The following MDGA2 variants were observed in gnomAD, a reference collection of about 807,000 sequenced individuals.
The protein encoded by MDGA2 is MAM domain-containing glycosylphosphatidylinositol anchor protein 2.
In MDGA2, 40 loss-of-function variants were observed where a neutral mutation model predicts 117.8. The ratio of observed to expected loss-of-function variants is 0.34; its 90% CI spans 0.26 to 0.44. The LOEUF is 0.44. MDGA2 is among the 20% of genes least tolerant of loss of function. The pLI is 1.00. For missense variants in MDGA2, 1,123 were observed against 1,250.6 expected (o/e 0.90, Z 1.54); for synonymous variants, 452 against 439.0 (o/e 1.03, Z -0.37).
At chr14:47,186,364 A>C (rs965606988) in intron 3 of MDGA2, among the ~76,000 whole-genome samples, 1 of 151,800 alleles carries the variant, frequency 6.6e-6, no homozygotes, top group African/African-American at 2.4e-5. Context: ...CCAAAATAAG[A>C]CAAACTTGAA....
chr14:47,655,365 TATA>T (rs1333537180), intron 1 of MDGA2, among the ~76,000 whole-genome samples: 1 of 152,136 alleles, frequency 6.6e-6, no homozygotes, highest in Non-Finnish European at 1.5e-5. Context: ...GACCCAGGAT[TATA>T]ATAACTTTTC....
intron 1 of MDGA2, among the ~76,000 whole-genome samples, chr14:47,583,055 C>T (rs879848223): frequency 1.4e-4 from 22 of 151,914 alleles, no homozygotes; most frequent in Admixed American, 1.4e-3. Context: ...TGATTCATAA[C>T]TCATTAATTC....
intron 1 of MDGA2, among the ~76,000 whole-genome samples, chr14:47,469,763 C>T (rs1295847139): frequency 6.6e-6 from 1 of 152,088 alleles, no homozygotes; most frequent in East Asian, 1.9e-4. Flanking sequence ...AGTTTACAGT[C>T]CCACCAACAG....
chr14:47,063,466 A>C (rs1234558635), intron 6 of MDGA2, among the ~76,000 whole-genome samples: 5 of 151,946 alleles, frequency 3.3e-5, no homozygotes, highest in Non-Finnish European at 7.4e-5. Flanking sequence ...TTGGGAAGGG[A>C]AATGTGATGA....
intron 1 of MDGA2, among the ~76,000 whole-genome samples, chr14:47,431,147 G>T (rs1460675937): frequency 6.6e-6 from 1 of 151,884 alleles, no homozygotes; most frequent in African/African-American, 2.4e-5. Context: ...GAATATATGA[G>T]AATATATAAG....
chr14:46,846,508 A>T (rs1880846431), intron 15 of MDGA2, among the ~76,000 whole-genome samples: 1 of 152,116 alleles, frequency 6.6e-6, no homozygotes, highest in South Asian at 2.1e-4. Context: ...ATACCTTTGA[A>T]TTTATGGTGT....
At chr14:47,207,535 A>G (rs938443162) in intron 3 of MDGA2, among the ~76,000 whole-genome samples, 6 of 151,962 alleles carry the variant, frequency 3.9e-5, no homozygotes, top group Admixed American at 2.0e-4. Context: ...GGGATTAAAA[A>G]ATGGAATTTG....
chr14:46,879,561 A>T (rs1388570), intron 11 of MDGA2, among the ~76,000 whole-genome samples: 95,433 of 151,972 alleles, frequency 0.63, 30,784 homozygotes, highest in Admixed American at 0.74. Flanking sequence ...TATTTCCTGC[A>T]TGTGTTTTTC....
intron 1 of MDGA2, among the ~76,000 whole-genome samples, chr14:47,570,989 T>G (rs964179703): frequency 2.6e-5 from 4 of 151,688 alleles, no homozygotes; most frequent in Non-Finnish European, 5.9e-5. Context: ...TGGGAGAAAA[T>G]TTTTGCAATC....
At chr14:46,907,369 T>G (rs190980358) in intron 10 of MDGA2, among the ~76,000 whole-genome samples, 2 of 152,152 alleles carry the variant, frequency 1.3e-5, no homozygotes, top group Admixed American at 1.3e-4. Flanking sequence ...TTCTAACAAT[T>G]TGAGAATACC....
intron 9 of MDGA2, among the ~76,000 whole-genome samples, chr14:46,937,346 G>A (rs1343424852): frequency 2.6e-5 from 4 of 150,986 alleles, no homozygotes; most frequent in Admixed American, 2.0e-4. Context: ...CCATGTTAAT[G>A]GTCTGGAAGA....
chr14:47,507,957 C>T (rs1174532523), intron 1 of MDGA2, among the ~76,000 whole-genome samples: 2 of 152,194 alleles, frequency 1.3e-5, no homozygotes, highest in African/African-American at 4.8e-5. Flanking sequence ...ACATGAATCC[C>T]ACTATGCCTC....
Position 47,549,299 on chromosome 14 carries a change from C to G in MDGA2, c.280+125218G>C, listed in dbSNP as rs142575493. 4.0e-4 allele frequency among the ~76,000 whole-genome samples: 60 copies of G among 150,516 alleles called. 3 individuals are homozygous for G. The East Asian group carries it at 0.012, about 30-fold the overall frequency. ...ATTGTTGCAGCTTTTTGAGTTACTT[C>G]TAGAATTCTAAAAAAGTTCATGTTG... On this transcript the variant is annotated intron_variant, in intron 1 of 16. Coordinates refer to ENST00000399232, the MANE Select transcript of MDGA2 (RefSeq NM_001113498.3).
intron 3 of MDGA2, among the ~76,000 whole-genome samples, chr14:47,154,328 C>A (rs139068012): frequency 7.9e-5 from 12 of 152,186 alleles, no homozygotes. Context: ...GCAAAGACGA[C>A]GACCGCAGTG....
At position 47,103,735 on chromosome 14, in the gene MDGA2, G is replaced by T. The variant is rs532517625; in HGVS notation, c.926-6612C>A. 2.0e-5 allele frequency among the ~76,000 whole-genome samples: 3 copies of T among 152,312 alleles called. No individual in the cohort carries two copies. The East Asian group carries it at 5.8e-4, about 29-fold the overall frequency. Reference sequence around the variant, plus strand: ...AAGAGATGCGATTCATATGACCATGGATCCTAAATGAGAGATTCCCTAGAT... The same window carrying T: ...AAGAGATGCGATTCATATGACCATGTATCCTAAATGAGAGATTCCCTAGAT... On this transcript the variant is annotated intron_variant, in intron 5 of 16. Transcript: ENST00000399232.
intron 4 of MDGA2, among the ~76,000 whole-genome samples, chr14:47,132,822 C>T (rs1048652878): frequency 4.6e-5 from 7 of 151,736 alleles, no homozygotes; most frequent in East Asian, 1.9e-4. Flanking sequence ...AACGTGTGTA[C>T]GGAACAATGT....
rs1594749182 is a variant in MDGA2, at chr14:47,243,321, G to C, written c.421-25126C>G. Among the ~76,000 whole-genome samples, 5 of 151,636 alleles carry C rather than the reference G, an allele frequency of 3.3e-5. No individual in the cohort carries two copies. The South Asian group carries it at 1.0e-3, about 32-fold the overall frequency. ...AGCACCCTGACAAAACAGCACACTT[G>C]GCTCTACCAATCAGCAGGATGTGGG... On this transcript the variant is annotated intron_variant, in intron 2 of 16. Coordinates refer to ENST00000399232, the MANE Select transcript of MDGA2 (RefSeq NM_001113498.3).
chr14:47,629,329 A>G (rs935495419), intron 1 of MDGA2, among the ~76,000 whole-genome samples: 1 of 152,172 alleles, frequency 6.6e-6, no homozygotes, highest in Non-Finnish European at 1.5e-5. Flanking sequence ...TTACAGATAT[A>G]TTGGTATTAT....
chr14:46,872,950 G>A (rs1257508023), intron 14 of MDGA2, among the ~76,000 whole-genome samples: 2 of 151,626 alleles, frequency 1.3e-5, no homozygotes, highest in Admixed American at 1.3e-4. Context: ...GACCTAGAAT[G>A]TTCTTAAATC....
Sources: gnomAD v4.1 joint callset for allele counts (sites outside exome capture counted in the v4.1 genomes callset) on GRCh38, gnomAD v4.1.1 for gene constraint, MANE v1.5 for transcripts, NCBI Gene and HGNC (gene_info 2026-07-23, HGNC 2026-07-21) for gene names.